Variants in ESCO1 observed in about 807,000 individuals in gnomAD.
ESCO1 encodes N-acetyltransferase ESCO1.
A neutral mutation model predicts 83.5 loss-of-function variants in ESCO1; 33 were observed. The ratio of observed to expected loss-of-function variants is 0.40; its 90% CI spans 0.30 to 0.53. The LOEUF (loss-of-function observed/expected upper bound fraction) is 0.53. Among genes scored for constraint, ESCO1 ranks in the 20% least tolerant of loss-of-function variants. The probability of loss-of-function intolerance (pLI) is 0.63; values close to 1 mark genes in which losing one functional copy is unlikely to be tolerated. For synonymous variants in ESCO1, 332 were observed against 324.3 expected (o/e 1.02, Z -0.25); for missense variants, 855 against 968.0 (o/e 0.88, Z 1.55).
chr18:21,535,380 A>ATTTTT (rs377455761), intron 10 of ESCO1, among the ~76,000 whole-genome samples: 1 of 106,290 alleles, frequency 9.4e-6, no homozygotes, highest in Non-Finnish European at 1.9e-5. Flanking sequence ...GCGCCTGGCT[A>ATTTTT]TTTTTTTTTT....
At chr18:21,593,238 G>A (rs2038708360) in intron 1 of ESCO1, 1 of 175,902 alleles carries the variant, frequency 5.7e-6, no homozygotes, top group African/African-American at 2.4e-5. Flanking sequence ...GCCAAGGCAG[G>A]CGGCTGGGAG....
chr18:21,574,763 T>C lies in ESCO1; in HGVS notation c.81A>G (p.Glu27=). ...KKSDDKNSET[E]IQDSQKNLAK... The stretch of plus-strand genomic sequence containing the variant: ...CTAGATTCTTTTGAGAATCCTGAAT[T>C]TCTGTTTCTGAATTCTTATCGTCAC... Residue 27 remains glutamate (E), a synonymous_variant, in exon 4 of 12, where the codon GAA becomes GAG. Coordinates refer to ENST00000269214, the MANE Select transcript of ESCO1 (RefSeq NM_052911.3). 1 of 1,607,232 alleles carries C rather than the reference T, an allele frequency of 6.2e-7. No homozygotes were observed. The highest frequency in any genetic ancestry group is 8.5e-7 in the Non-Finnish European group (1 of 1,179,750).
chr18:21,560,740 ATAT>A lies in ESCO1; in HGVS notation c.1953+116_1953+118del, dbSNP rs1390362175. 6.5e-6 allele frequency: 8 copies of A among 1,239,588 alleles called. No homozygotes were observed. The African/African-American group carries it at 7.7e-5, about 12-fold the overall frequency. The allele number at this position is 1,239,588 out of a possible 1,614,324, so 76.8% of individuals were successfully genotyped here. The stretch of plus-strand genomic sequence containing the variant: ...TATACATACTACACGTGCTTTGTAC[ATAT>A]TATTATCTCTTAAAAACATAAATTT... On this transcript the variant is annotated intron_variant, in intron 8 of 11. Transcript: ENST00000269214.
intron 7 of ESCO1, among the ~76,000 whole-genome samples, chr18:21,562,347 G>A (rs766084335): frequency 3.3e-5 from 5 of 151,768 alleles, no homozygotes; most frequent in Non-Finnish European, 7.4e-5. Context: ...ACGGTGGTGC[G>A]TGCCTGTAAA....
chr18:21,561,088 G>A (rs2038179966), intron 7 of ESCO1, 98 bp from the exon 8 acceptor site: 2 of 1,178,094 alleles, frequency 1.7e-6, no homozygotes, highest in Admixed American at 3.1e-5. Context: ...AGTAAGAATT[G>A]TTTAATCTAC....
intron 4 of ESCO1, among the ~76,000 whole-genome samples, chr18:21,572,208 T>C (rs1393593057): frequency 6.6e-6 from 1 of 152,196 alleles, no homozygotes; most frequent in Non-Finnish European, 1.5e-5. Flanking sequence ...CCACCAAACG[T>C]GTTGCCTAAA....
At chr18:21,540,793 A>T (rs1038883708) in intron 8 of ESCO1, 1 of 1,067,434 alleles carries the variant, frequency 9.4e-7, no homozygotes, top group Admixed American at 4.1e-5. Context: ...GAAGTTCAAA[A>T]TAAGTACAGA....
At chr18:21,561,431 G>GT (rs2038185126) in intron 7 of ESCO1, among the ~76,000 whole-genome samples, 2 of 152,056 alleles carry the variant, frequency 1.3e-5, no homozygotes, top group South Asian at 4.1e-4. Context: ...GCTAATTTTT[G>GT]TTTGTTTTTG....
At chr18:21,534,238 G>A (rs1398104125) in intron 10 of ESCO1, among the ~76,000 whole-genome samples, 4 of 152,260 alleles carry the variant, frequency 2.6e-5, no homozygotes, top group Middle Eastern at 3.4e-3. Context: ...TAAGCATGTG[G>A]GAGTTATTTA....
chr18:21,581,174 G>A (rs1341085225), intron 2 of ESCO1, among the ~76,000 whole-genome samples: 3 of 151,894 alleles, frequency 2.0e-5, no homozygotes, highest in Non-Finnish European at 4.4e-5. Flanking sequence ...TTATCTGGGC[G>A]TGGTGGCGGG....
chr18:21,562,120 T>C (rs1254977943), intron 7 of ESCO1, among the ~76,000 whole-genome samples: 1 of 151,984 alleles, frequency 6.6e-6, no homozygotes, highest in African/African-American at 2.4e-5. Context: ...CATCAGGTGA[T>C]CCACCTGCCT....
Position 21,574,849 on chromosome 18 carries a change from A to G in ESCO1, c.-6T>C. The G allele has an allele frequency of 6.4e-7, 1 of 1,563,962 alleles. No individual in the cohort carries two copies. Among genetic ancestry groups the G allele is most frequent in the Non-Finnish European group, 8.6e-7 (1 of 1,168,478 alleles). ...TTCTCCTGAATGGACATCATTCCTGAGTAATGACTTTCTTTTCTGAGTAGT... is the reference window on the plus strand; with the variant it reads ...TTCTCCTGAATGGACATCATTCCTGGGTAATGACTTTCTTTTCTGAGTAGT... On this transcript the variant is annotated 5_prime_UTR_variant, in exon 4 of 12. Coordinates refer to ENST00000269214, the MANE Select transcript of ESCO1 (RefSeq NM_052911.3).
Position 21,573,998 on chromosome 18 carries a change from T to C in ESCO1, c.846A>G (p.Pro282=), listed in dbSNP as rs146730799. 1,117 of 1,613,826 alleles carry C rather than the reference T, an allele frequency of 6.9e-4. No individual in the cohort carries two copies. Among genetic ancestry groups the C allele is most frequent in the Non-Finnish European group, 8.8e-4 (1,044 of 1,180,032 alleles). ...CATTATCACTTTGTTCAGGCACTGATGGCTGTGGACTTTTTGGGAGTGTTG... is the reference window on the plus strand; with the variant it reads ...CATTATCACTTTGTTCAGGCACTGACGGCTGTGGACTTTTTGGGAGTGTTG... The part of the protein sequence containing the change: ...TNTTLPKSPQ[P]SVPEQSDNEL... Residue 282 remains proline, a synonymous_variant, in exon 4 of 12, where the codon CCA becomes CCG. Transcript: ENST00000269214.
chr18:21,558,818 T>C (rs559400390), intron 8 of ESCO1, among the ~76,000 whole-genome samples: 1 of 152,266 alleles, frequency 6.6e-6, no homozygotes, highest in African/African-American at 2.4e-5. Flanking sequence ...AAAACTTTAT[T>C]TCCACTTCCT....
intron 4 of ESCO1, among the ~76,000 whole-genome samples, chr18:21,569,646 G>A (rs2038313496): frequency 6.6e-6 from 1 of 152,106 alleles, no homozygotes; most frequent in Non-Finnish European, 1.5e-5. Context: ...TTGGGAGGCA[G>A]AGGCAAGAGA....
At chr18:21,594,925 C>CTGTGTGTG (rs35336026) in intron 1 of ESCO1, among the ~76,000 whole-genome samples, 6,504 of 143,720 alleles carry the variant, frequency 0.045, 199 homozygotes, top group South Asian at 0.088. Context: ...TCTACAACTA[C>CTGTGTGTG]TGTGTGTGTG....
intron 8 of ESCO1, among the ~76,000 whole-genome samples, chr18:21,560,518 A>G (rs1227923261): frequency 6.6e-6 from 1 of 152,092 alleles, no homozygotes; most frequent in Non-Finnish European, 1.5e-5. Context: ...TGTAAATATT[A>G]AATAGATTTA....
chr18:21,530,331 C>A lies in ESCO1; in HGVS notation c.*12G>T. 1 of 1,566,576 alleles carries A rather than the reference C, an allele frequency of 6.4e-7. No homozygotes were observed. The highest frequency in any genetic ancestry group is 8.6e-7 in the Non-Finnish European group (1 of 1,158,742). ...AATAGATGTCTTCTAGTGGTGTAGG[C>A]AAGAATTTGTTTTACGTGCTATTCT... On this transcript the variant is annotated 3_prime_UTR_variant, in exon 12 of 12. Coordinates refer to ENST00000269214, the MANE Select transcript of ESCO1 (RefSeq NM_052911.3).
At chr18:21,555,211 G>A (rs1260959365) in intron 8 of ESCO1, among the ~76,000 whole-genome samples, 3 of 152,136 alleles carry the variant, frequency 2.0e-5, no homozygotes, top group African/African-American at 7.2e-5. Flanking sequence ...TTCTAGAAAA[G>A]GTAAAACTAT....
Sources: allele counts gnomAD v4.1 joint callset (sites outside exome capture counted in the v4.1 genomes callset), GRCh38; gene constraint gnomAD v4.1.1; transcripts MANE v1.5; gene names NCBI Gene and HGNC (gene_info 2026-07-23, HGNC 2026-07-21).